The following EEFSEC variants were observed in gnomAD, a reference collection of about 807,000 sequenced individuals.
The protein encoded by EEFSEC is selenocysteine-specific elongation factor.
Under a neutral mutation model 42.1 loss-of-function variants are expected in EEFSEC, and 43 were observed. That is an observed-to-expected ratio of 1.02 (90% CI 0.80 to 1.32). EEFSEC has a LOEUF of 1.32. EEFSEC is among the 40% of genes most tolerant of loss of function. The pLI is 0.00. For missense variants in EEFSEC, 745 were observed against 803.6 expected, an observed-to-expected ratio of 0.93 and a Z score of 0.88; for synonymous variants, 354 against 339.1, an observed-to-expected ratio of 1.04 and a Z score of -0.48.
intron 4 of EEFSEC, among the ~76,000 whole-genome samples, chr3:128,329,127 C>T (rs1159554950): frequency 6.6e-6 from 1 of 152,212 alleles, no homozygotes; most frequent in African/African-American, 2.4e-5. Context: ...TTCAACCACT[C>T]CCCCTCCAGC....
intron 6 of EEFSEC, among the ~76,000 whole-genome samples, chr3:128,375,090 A>G (rs1358643360): frequency 6.6e-6 from 1 of 152,224 alleles, no homozygotes; most frequent in Non-Finnish European, 1.5e-5. Context: ...CTTGTCCTAT[A>G]TAAAAAAAGG....
chr3:128,290,166 A>C (rs2066628163), intron 4 of EEFSEC, among the ~76,000 whole-genome samples: 1 of 152,162 alleles, frequency 6.6e-6, no homozygotes, highest in African/African-American at 2.4e-5. Context: ...CTATCCCAGA[A>C]TTGTGAAGAT....
intron 1 of EEFSEC, among the ~76,000 whole-genome samples, chr3:128,206,723 A>T (rs1176221786): frequency 1.3e-5 from 2 of 152,176 alleles, no homozygotes; most frequent in East Asian, 1.9e-4. Flanking sequence ...TATTATTTCG[A>T]TCCTCATAGT....
intron 4 of EEFSEC, among the ~76,000 whole-genome samples, chr3:128,291,757 T>C (rs2066646449): frequency 6.6e-6 from 1 of 152,258 alleles, no homozygotes; most frequent in Admixed American, 6.5e-5. Context: ...ATAATTCCTT[T>C]CTACACTTTT....
chr3:128,406,920 G>A (rs1469927222), intron 6 of EEFSEC, among the ~76,000 whole-genome samples: 1 of 151,758 alleles, frequency 6.6e-6, no homozygotes, highest in East Asian at 1.9e-4. Flanking sequence ...TTTGTCATTT[G>A]TCAATTTAAA....
chr3:128,204,499 T>C (rs1015579637), intron 1 of EEFSEC, among the ~76,000 whole-genome samples: 1 of 152,186 alleles, frequency 6.6e-6, no homozygotes, highest in African/African-American at 2.4e-5. Context: ...CTCTCTCTCC[T>C]TGTGTCTGAG....
chr3:128,341,379 T>C lies in EEFSEC; in HGVS notation c.933T>C (p.Thr311=), dbSNP rs1177636778. The change falls in exon 5 of 7, where the codon ACT becomes ACC. Residue 311 remains threonine, a synonymous_variant. Transcript: ENST00000254730. ...TGTGTGCCCCCGAGTCCCTGCACACTGTCCATGCGGCCCTCATCTCTGTGG... is the reference window on the plus strand; with the variant it reads ...TGTGTGCCCCCGAGTCCCTGCACACCGTCCATGCGGCCCTCATCTCTGTGG... The part of the protein sequence containing the change: ...GLVCAPESLH[T]VHAALISVEK... The C allele has an allele frequency of 1.2e-6, 2 of 1,614,154 alleles. No individual in the cohort carries two copies. The highest frequency in any genetic ancestry group is 3.3e-5 in the Admixed American group (2 of 60,022).
intron 4 of EEFSEC, among the ~76,000 whole-genome samples, chr3:128,327,218 G>T (rs575948127): frequency 6.6e-6 from 1 of 151,898 alleles, no homozygotes; most frequent in East Asian, 1.9e-4. Context: ...GTGTACACCT[G>T]CACAGCGCTC....
At chr3:128,363,613 G>A (rs1056827829) in intron 6 of EEFSEC, among the ~76,000 whole-genome samples, 3 of 152,190 alleles carry the variant, frequency 2.0e-5, no homozygotes, top group Non-Finnish European at 2.9e-5. Flanking sequence ...TCCTGAGGAG[G>A]GCTCCTGGGC....
intron 1 of EEFSEC, among the ~76,000 whole-genome samples, chr3:128,207,530 C>T (rs1021547010): frequency 1.3e-5 from 2 of 150,584 alleles, no homozygotes; most frequent in Non-Finnish European, 1.5e-5. Flanking sequence ...CTCATTGCAT[C>T]TTTAAGCCTT....
rs538103475 is a variant in EEFSEC, at chr3:128,189,504, C to T, written c.316+35681C>T. On this transcript the variant is annotated intron_variant, in intron 1 of 6. Coordinates refer to ENST00000254730, the MANE Select transcript of EEFSEC (RefSeq NM_021937.5). ...ATGATAATACATGACTGGTTTATGTCTTTACTATACTAGACTTGTTATTAT... is the reference window on the plus strand; with the variant it reads ...ATGATAATACATGACTGGTTTATGTTTTTACTATACTAGACTTGTTATTAT... Among the ~76,000 whole-genome samples the T allele has an allele frequency of 1.3e-4, 19 of 151,280 alleles. No homozygotes were observed. The South Asian group carries it at 1.9e-3, about 15-fold the overall frequency.
In EEFSEC at chr3:128,382,299, T is replaced by C. The variant is rs560073803; in HGVS notation, c.1600+23926T>C. ...AACCAAGCCCAGGGCAGACACGCTGTGCCAGGATTCAGCAGAGCAGGGAGC... is the reference window on the plus strand; with the variant it reads ...AACCAAGCCCAGGGCAGACACGCTGCGCCAGGATTCAGCAGAGCAGGGAGC... On this transcript the variant is annotated intron_variant, in intron 6 of 6. Transcript: ENST00000254730. Among the ~76,000 whole-genome samples, 5 of 152,314 alleles carry C rather than the reference T, an allele frequency of 3.3e-5. No homozygotes were observed. The South Asian group carries it at 1.0e-3, about 32-fold the overall frequency.
intron 4 of EEFSEC, among the ~76,000 whole-genome samples, chr3:128,308,351 CA>C (rs762752868): frequency 1.2e-4 from 18 of 152,190 alleles, no homozygotes; most frequent in Non-Finnish European, 1.9e-4. Flanking sequence ...TTGGATGTGT[CA>C]GGGGAGGGGG....
chr3:128,404,375 G>A (rs1418345042), intron 6 of EEFSEC, among the ~76,000 whole-genome samples: 3 of 152,216 alleles, frequency 2.0e-5, no homozygotes, highest in Admixed American at 1.3e-4. Context: ...TGCCTGCTCC[G>A]GGCAGTGCGA....
At chr3:128,271,947 T>C (rs2066417769) in intron 4 of EEFSEC, among the ~76,000 whole-genome samples, 1 of 152,158 alleles carries the variant, frequency 6.6e-6, no homozygotes, top group South Asian at 2.1e-4. Context: ...TTTCTTGTCT[T>C]AAAGCCTCAT....
At chr3:128,419,257 G>GAA in the EEFSEC span, among the ~76,000 whole-genome samples, 14 of 151,948 alleles carry the variant, frequency 9.2e-5, no homozygotes, top group Non-Finnish European at 1.8e-4. Flanking sequence ...TGAAACAGGA[G>GAA]AAAAAAAATG....
intron 4 of EEFSEC, among the ~76,000 whole-genome samples, chr3:128,303,538 T>C (rs889846303): frequency 3.9e-5 from 6 of 152,244 alleles, no homozygotes; most frequent in African/African-American, 1.4e-4. Context: ...TACCTGTTTA[T>C]GGTCTTTGCC....
chr3:128,253,969 G>T (rs2066215433), intron 2 of EEFSEC, among the ~76,000 whole-genome samples: 1 of 152,022 alleles, frequency 6.6e-6, no homozygotes, highest in Non-Finnish European at 1.5e-5. Context: ...CTTTAAAAAA[G>T]AAAAAAATCT....
chr3:128,200,638 C>T (rs1436554831), intron 1 of EEFSEC, among the ~76,000 whole-genome samples: 1 of 152,200 alleles, frequency 6.6e-6, no homozygotes, highest in Non-Finnish European at 1.5e-5. Flanking sequence ...CCCAGCCATG[C>T]CTTGGGCAGG....
Sources: gnomAD v4.1 joint callset for allele counts (sites outside exome capture counted in the v4.1 genomes callset) on GRCh38, gnomAD v4.1.1 for gene constraint, MANE v1.5 for transcripts, NCBI Gene and HGNC (gene_info 2026-07-23, HGNC 2026-07-21) for gene names.